The following CLEC16A variants were observed in gnomAD, a reference collection of about 807,000 sequenced individuals.
CLEC16A encodes protein CLEC16A.
Under a neutral mutation model 109.5 loss-of-function variants are expected in CLEC16A, and 51 were observed. The ratio of observed to expected loss-of-function variants is 0.47; its 90% CI spans 0.37 to 0.59. CLEC16A has a LOEUF of 0.59. Ranked by LOEUF, CLEC16A falls within the 20% of genes least tolerant of loss-of-function variation. The pLI is 0.00. For missense variants in CLEC16A, 1,339 were observed against 1,394.0 expected, an observed-to-expected ratio of 0.96 and a Z score of 0.63; for synonymous variants, 673 against 564.2, an observed-to-expected ratio of 1.19 and a Z score of -2.73.
intron 19 of CLEC16A, among the ~76,000 whole-genome samples, chr16:11,085,182 C>T (rs2049943809): frequency 1.3e-5 from 2 of 152,246 alleles, no homozygotes; most frequent in African/African-American, 4.8e-5. Flanking sequence ...CAGACGAGGC[C>T]ATGAAGCCCC....
intron 19 of CLEC16A, among the ~76,000 whole-genome samples, chr16:11,106,325 C>G (rs11648049): frequency 0.29 from 43,467 of 152,008 alleles, 6,316 homozygotes; most frequent in South Asian, 0.35. Context: ...TAGAGTCTCT[C>G]TCACCCAGGC....
At chr16:11,116,893 T>G (rs2052033017) in intron 19 of CLEC16A, among the ~76,000 whole-genome samples, 1 of 152,150 alleles carries the variant, frequency 6.6e-6, no homozygotes, top group African/African-American at 2.4e-5. Context: ...ATACTAAAAC[T>G]CAGCACTATT....
At chr16:11,118,963 T>C (rs1217542599) in intron 19 of CLEC16A, among the ~76,000 whole-genome samples, 1 of 152,178 alleles carries the variant, frequency 6.6e-6, no homozygotes, top group African/African-American at 2.4e-5. Flanking sequence ...GTGGCTTTAT[T>C]TCTGGGCTCT....
chr16:10,996,027 C>G (rs2044307012), intron 10 of CLEC16A, among the ~76,000 whole-genome samples: 1 of 152,262 alleles, frequency 6.6e-6, no homozygotes, highest in Non-Finnish European at 1.5e-5. Flanking sequence ...GGCCACCGGT[C>G]TCTCTTTCCT....
rs758001271 is a variant in CLEC16A, at chr16:11,024,857, C to T, written c.1473C>T (p.Ser491=). 9 of 1,608,688 alleles carry T rather than the reference C, an allele frequency of 5.6e-6. No homozygotes were observed. The highest frequency in any genetic ancestry group is 5.6e-5 in the South Asian group (5 of 89,570). The change falls in exon 13 of 24, where the codon AGC becomes AGT. Residue 491 remains serine (S), a synonymous_variant. Coordinates refer to ENST00000409790, the MANE Select transcript of CLEC16A (RefSeq NM_015226.3). ...FLDMVYHALD[S]PDDDYHALFV... ...ATATGGTGTACCACGCGCTGGACAG[C>T]CCGGATGATGATTACCATGCCCTGT...
chr16:10,982,855 C>T (rs2043403616), intron 9 of CLEC16A, 23 bp from the exon 10 acceptor site: 1 of 1,376,146 alleles, frequency 7.3e-7, no homozygotes, highest in East Asian at 2.3e-5. Flanking sequence ...TCATGCAAAT[C>T]CCGTTTCTTT....
chr16:11,121,673 A>G (rs1011341450), intron 20 of CLEC16A, among the ~76,000 whole-genome samples: 1 of 151,724 alleles, frequency 6.6e-6, no homozygotes, highest in Non-Finnish European at 1.5e-5. Context: ...TGAGGTCAGG[A>G]GTTCGAGACC....
intron 22 of CLEC16A, chr16:11,150,046 T>A (rs2054233913): frequency 6.6e-6 from 1 of 152,200 alleles, no homozygotes; most frequent in South Asian, 2.1e-4. Flanking sequence ...CTTCAGGTAT[T>A]TATGGGCGGG....
chr16:10,952,883 A>G (rs1002859403), intron 1 of CLEC16A, among the ~76,000 whole-genome samples: 1 of 152,264 alleles, frequency 6.6e-6, no homozygotes, highest in African/African-American at 2.4e-5. Context: ...TAGATCTGCA[A>G]GATTCCTGTC....
At position 10,971,132 on chromosome 16, in the gene CLEC16A, A is replaced by G. The variant is rs1465201414; in HGVS notation, c.500A>G (p.Asn167Ser). 6.8e-6 allele frequency: 11 copies of G among 1,612,026 alleles called. No individual in the cohort carries two copies. Among genetic ancestry groups the G allele is most frequent in the African/African-American group, 2.7e-5 (2 of 74,786 alleles). ...TVHFFYNEHT[N>S]DFALYTEAIK... ...TTATTTCTTTTGTTTTAGCACACCA[A>G]TGACTTTGCCCTGTACACAGAAGCC... Residue 167 changes from asparagine to serine, a missense_variant, in exon 5 of 24, where the codon AAT becomes AGT. This residue lies in a region of CLEC16A where 161 missense variants were observed against 267.1 expected (regional missense o/e 0.60). Coordinates refer to ENST00000409790, the MANE Select transcript of CLEC16A (RefSeq NM_015226.3).
intron 10 of CLEC16A, among the ~76,000 whole-genome samples, chr16:10,988,982 G>C (rs950326406): frequency 6.6e-6 from 1 of 152,206 alleles, no homozygotes; most frequent in African/African-American, 2.4e-5. Flanking sequence ...TCTCTGGACT[G>C]ATGAATGTGG....
Position 10,971,115 on chromosome 16 carries a change from T to G in CLEC16A, c.493-10T>G. On this transcript the variant is annotated splice_polypyrimidine_tract_variant and intron_variant, in intron 4 of 23. Coordinates refer to ENST00000409790, the MANE Select transcript of CLEC16A (RefSeq NM_015226.3). ...CTTATAATTTGTTTTCGTTATTTCT[T>G]TTGTTTTAGCACACCAATGACTTTG... is the stretch of plus-strand genomic sequence containing the variant. The G allele has an allele frequency of 6.3e-7, 1 of 1,599,178 alleles. No individual in the cohort carries two copies. Among genetic ancestry groups the G allele is most frequent in the Non-Finnish European group, 8.6e-7 (1 of 1,166,762 alleles).
chr16:11,164,021 A>T (rs1452646316), intron 22 of CLEC16A, among the ~76,000 whole-genome samples: 1 of 152,186 alleles, frequency 6.6e-6, no homozygotes, highest in East Asian at 1.9e-4. Context: ...TCCCCAAGGA[A>T]TCTTCCTGCC....
chr16:10,977,493 A>G, intron 8 of CLEC16A, 94 bp downstream of exon 8: 1 of 1,139,840 alleles, frequency 8.8e-7, no homozygotes, highest in East Asian at 2.6e-5. Context: ...AGCATTGCAA[A>G]TCAGGACTGA....
At position 11,010,267 on chromosome 16, in the gene CLEC16A, A is replaced by G. The variant is rs528373620; in HGVS notation, c.1303+6962A>G. On this transcript the variant is annotated intron_variant, in intron 11 of 23. Coordinates refer to ENST00000409790, the MANE Select transcript of CLEC16A (RefSeq NM_015226.3). ...GCTGTGACAGGTATTTAGTACTTGA[A>G]TACCTCTTTCATAAACATGAATCTC... Among the ~76,000 whole-genome samples the G allele has an allele frequency of 4.6e-5, 7 of 152,262 alleles. No individual in the cohort carries two copies. In the South Asian group the frequency reaches 1.0e-3, roughly 23 times the overall value.
rs1051384576 is a variant in CLEC16A at position 11,175,878 on chromosome 16, C to G, written c.2807-2457C>G. On this transcript the variant is annotated intron_variant, in intron 23 of 23. Transcript: ENST00000409790. ...GAAGTTGGCCAGCTTCTTTGAATAT[C>G]TGCATGCAAATGCAGACTTGAGCAA... 2.6e-5 allele frequency among the ~76,000 whole-genome samples: 4 copies of G among 152,376 alleles called. No individual in the cohort carries two copies. The South Asian group carries it at 6.2e-4, about 24-fold the overall frequency.
chr16:11,051,003 C>T (rs1330558424), intron 17 of CLEC16A, among the ~76,000 whole-genome samples: 1 of 152,206 alleles, frequency 6.6e-6, no homozygotes, highest in Non-Finnish European at 1.5e-5. Context: ...TTCTCTGAGA[C>T]TGTGTTCCCT....
chr16:11,151,931 A>C (rs1290527554), intron 22 of CLEC16A, among the ~76,000 whole-genome samples: 1 of 152,172 alleles, frequency 6.6e-6, no homozygotes, highest in Non-Finnish European at 1.5e-5. Flanking sequence ...GGAACCCGGG[A>C]AGTGAGAGCT....
chr16:11,045,549 G>C (rs994135948), intron 16 of CLEC16A, among the ~76,000 whole-genome samples: 1 of 152,084 alleles, frequency 6.6e-6, no homozygotes, highest in Admixed American at 6.5e-5. Context: ...TTTGGGTGGT[G>C]GGGGGTGGTG....
Sources: allele counts gnomAD v4.1 joint callset (sites outside exome capture counted in the v4.1 genomes callset), GRCh38; gene constraint gnomAD v4.1.1; regional missense constraint gnomAD v4.1.1; transcripts MANE v1.5; gene names NCBI Gene and HGNC (gene_info 2026-07-23, HGNC 2026-07-21).